RGS7: variants seen among roughly 807,000 people sequenced by gnomAD.
The protein encoded by RGS7 is regulator of G protein signaling 7.
A neutral mutation model predicts 81.1 loss-of-function variants in RGS7; 27 were observed. The observed-to-expected ratio is 0.33, with a 90% CI of 0.25 to 0.46. The LOEUF (loss-of-function observed/expected upper bound fraction) is 0.46, where lower values mean the gene tolerates loss of function less well. Among genes scored for constraint, RGS7 ranks in the 20% least tolerant of loss-of-function variants. RGS7 has a pLI of 1.00. For synonymous variants in RGS7, 208 were observed against 207.7 expected (o/e 1.00, Z -0.01); for missense variants, 396 against 607.4 (o/e 0.65, Z 3.66).
intron 6 of RGS7, chr1:240,920,615 A>G: frequency 9.2e-7 from 1 of 1,090,276 alleles, no homozygotes; most frequent in Non-Finnish European, 1.4e-6. Context: ...GATTTTAATT[A>G]GGAAACAAAG....
At chr1:240,830,305 G>C (rs1558319033) in intron 9 of RGS7, among the ~76,000 whole-genome samples, 1 of 152,238 alleles carries the variant, frequency 6.6e-6, no homozygotes, top group Non-Finnish European at 1.5e-5. Context: ...GCAGTGTGCA[G>C]GGATTTTATG....
chr1:240,982,320 G>A (rs1431003211), intron 4 of RGS7, among the ~76,000 whole-genome samples: 1 of 150,878 alleles, frequency 6.6e-6, no homozygotes, highest in Non-Finnish European at 1.5e-5. Context: ...TACTCGGGAG[G>A]CTGAGGCAGA....
At chr1:240,965,448 CACA>C (rs1682131630) in intron 4 of RGS7, among the ~76,000 whole-genome samples, 1 of 152,212 alleles carries the variant, frequency 6.6e-6, no homozygotes, top group Non-Finnish European at 1.5e-5. Context: ...TCCCCAACCA[CACA>C]ACATTATTTG....
chr1:241,045,222 T>C (rs906234919), intron 3 of RGS7, among the ~76,000 whole-genome samples: 3 of 152,228 alleles, frequency 2.0e-5, no homozygotes, highest in Non-Finnish European at 4.4e-5. Context: ...TCCTTGAGTG[T>C]GCTTTCCTCC....
At chr1:241,238,327 G>A (rs1031823253) in intron 2 of RGS7, among the ~76,000 whole-genome samples, 12 of 152,182 alleles carry the variant, frequency 7.9e-5, no homozygotes, top group African/African-American at 2.9e-4. Flanking sequence ...CTATGACCTT[G>A]TATAGATAAT....
chr1:241,204,171 C>G (rs962115902), intron 2 of RGS7, among the ~76,000 whole-genome samples: 1 of 152,090 alleles, frequency 6.6e-6, no homozygotes, highest in Non-Finnish European at 1.5e-5. Context: ...AGGGATGGAA[C>G]CATTTATGGT....
chr1:241,193,391 C>T (rs975996711), intron 2 of RGS7, among the ~76,000 whole-genome samples: 16 of 152,158 alleles, frequency 1.1e-4, no homozygotes, highest in African/African-American at 3.4e-4. Flanking sequence ...AGTTGGTCCC[C>T]GCCATGTTTG....
chr1:240,832,204 C>T (rs1693973143), intron 9 of RGS7, among the ~76,000 whole-genome samples: 1 of 152,104 alleles, frequency 6.6e-6, no homozygotes. Flanking sequence ...ATTACCATTA[C>T]CAAGTAGACA....
chr1:240,876,635 G>T (rs1665464042), intron 6 of RGS7, among the ~76,000 whole-genome samples: 2 of 152,158 alleles, frequency 1.3e-5, no homozygotes, highest in Non-Finnish European at 2.9e-5. Flanking sequence ...TCCTTGGAAA[G>T]GACGTGAGAG....
intron 2 of RGS7, among the ~76,000 whole-genome samples, chr1:241,235,974 G>C (rs1478932705): frequency 6.7e-6 from 1 of 149,372 alleles, no homozygotes; most frequent in Non-Finnish European, 1.5e-5. Flanking sequence ...GTAAGAGTTA[G>C]CTCTCTGGCT....
chr1:241,030,909 A>C (rs2060053436), intron 3 of RGS7, among the ~76,000 whole-genome samples: 1 of 152,200 alleles, frequency 6.6e-6, no homozygotes, highest in South Asian at 2.1e-4. Context: ...CTTTGAAAGG[A>C]GCATAGGGAG....
intron 18 of RGS7, among the ~76,000 whole-genome samples, chr1:240,780,791 G>C (rs542318022): frequency 6.6e-6 from 1 of 151,754 alleles, no homozygotes; most frequent in Non-Finnish European, 1.5e-5. Flanking sequence ...GTGCGTGCCT[G>C]TAGTCCCAGC....
intron 6 of RGS7, among the ~76,000 whole-genome samples, chr1:240,872,441 A>G (rs915258183): frequency 2.6e-5 from 4 of 152,290 alleles, no homozygotes; most frequent in Non-Finnish European, 4.4e-5. Flanking sequence ...ACTGGGCAAC[A>G]GAGCAAGACT....
intron 2 of RGS7, among the ~76,000 whole-genome samples, chr1:241,246,575 G>C (rs1428592505): frequency 1.3e-5 from 2 of 152,130 alleles, no homozygotes; most frequent in Non-Finnish European, 2.9e-5. Flanking sequence ...CCTCCTAAGA[G>C]ACTTAGAGGA....
intron 3 of RGS7, among the ~76,000 whole-genome samples, chr1:241,067,398 C>A (rs1407331271): frequency 6.6e-6 from 1 of 152,068 alleles, no homozygotes; most frequent in Non-Finnish European, 1.5e-5. Flanking sequence ...AATCAATAAT[C>A]AGTGTTTTTC....
rs944322066 is a variant in RGS7 at position 240,856,904 on chromosome 1, T to C, written c.609+11683A>G. Among the ~76,000 whole-genome samples the C allele has an allele frequency of 3.9e-5, 6 of 152,294 alleles. No homozygotes were observed. In the East Asian group the frequency reaches 1.2e-3, roughly 29 times the overall value. On this transcript the variant is annotated intron_variant, in intron 9 of 18. Coordinates refer to ENST00000440928, the MANE Select transcript of RGS7 (RefSeq NM_001364886.1). ...GCTTCTTTTTAAATCACATTGATCA[T>C]GTCAAGAATGAATCTACCAAATAAG...
chr1:241,105,178 T>C (rs991333529), intron 2 of RGS7, among the ~76,000 whole-genome samples: 1 of 152,204 alleles, frequency 6.6e-6, no homozygotes, highest in Non-Finnish European at 1.5e-5. Flanking sequence ...TCCTTTATGC[T>C]CTATCTAATG....
At chr1:241,008,776 G>T (rs911397286) in intron 3 of RGS7, among the ~76,000 whole-genome samples, 9 of 151,840 alleles carry the variant, frequency 5.9e-5, no homozygotes, top group Admixed American at 5.9e-4. Context: ...GCTGGGCATG[G>T]TCGCACATGT....
chr1:240,894,632 T>C (rs947348583), intron 6 of RGS7, among the ~76,000 whole-genome samples: 3 of 151,924 alleles, frequency 2.0e-5, no homozygotes, highest in Admixed American at 1.3e-4. Context: ...CCTGGAATTT[T>C]TCCTGATTTT....
Sources: gnomAD v4.1 joint callset for allele counts (sites outside exome capture counted in the v4.1 genomes callset) on GRCh38, gnomAD v4.1.1 for gene constraint, MANE v1.5 for transcripts, NCBI Gene and HGNC (gene_info 2026-07-23, HGNC 2026-07-21) for gene names.